Variants in CNTN5 observed in about 807,000 individuals in gnomAD.
CNTN5 encodes contactin-5.
A neutral mutation model predicts 129.1 loss-of-function variants in CNTN5; 77 were observed. The observed-to-expected ratio is 0.60, with a 90% CI of 0.50 to 0.72. The LOEUF is 0.72. Among genes scored for constraint, CNTN5 ranks in the 30% least tolerant of loss-of-function variants. The probability of loss-of-function intolerance (pLI) is 0.00; values close to 1 mark genes in which losing one functional copy is unlikely to be tolerated. For synonymous variants in CNTN5, 509 were observed against 465.6 expected (o/e 1.09, Z -1.20); for missense variants, 1,478 against 1,328.8 (o/e 1.11, Z -1.75).
At chr11:100,127,095 A>ATTTT (rs5794039) in intron 13 of CNTN5, among the ~76,000 whole-genome samples, 7 of 85,610 alleles carry the variant, frequency 8.2e-5, no homozygotes, top group African/African-American at 3.2e-4. Flanking sequence ...TGCGCAGCTA[A>ATTTT]TTTTTTTTTT....
intron 3 of CNTN5, among the ~76,000 whole-genome samples, chr11:99,772,268 G>A (rs1405710443): frequency 1.3e-5 from 2 of 151,880 alleles, no homozygotes. Flanking sequence ...ATATAGTGTA[G>A]TCAAACATCC....
chr11:99,160,354 A>C (rs1333173512), intron 1 of CNTN5, among the ~76,000 whole-genome samples: 1 of 152,228 alleles, frequency 6.6e-6, no homozygotes. Flanking sequence ...TAGCATATAC[A>C]TTGATGGCAA....
At chr11:99,304,784 C>A (rs1236300487) in intron 1 of CNTN5, among the ~76,000 whole-genome samples, 2 of 152,146 alleles carry the variant, frequency 1.3e-5, no homozygotes, top group African/African-American at 4.8e-5. Flanking sequence ...AACTTCACTC[C>A]TGAAGTATGG....
At chr11:100,157,222 A>AG (rs1430615875) in intron 13 of CNTN5, among the ~76,000 whole-genome samples, 1 of 151,918 alleles carries the variant, frequency 6.6e-6, no homozygotes, top group Non-Finnish European at 1.5e-5. Context: ...ACATTGAAAG[A>AG]GGGAAAAAAT....
At chr11:99,362,795 G>T (rs1463866140) in intron 2 of CNTN5, among the ~76,000 whole-genome samples, 1 of 151,828 alleles carries the variant, frequency 6.6e-6, no homozygotes, top group African/African-American at 2.4e-5. Flanking sequence ...TTCTCTGAAT[G>T]GTCTTGGCTA....
chr11:99,167,454 G>T (rs955580512), intron 1 of CNTN5, among the ~76,000 whole-genome samples: 3 of 152,042 alleles, frequency 2.0e-5, no homozygotes, highest in Non-Finnish European at 4.4e-5. Context: ...ACTAGCCTAT[G>T]ATTATTTTTA....
At chr11:99,681,188 A>G (rs1565421108) in intron 3 of CNTN5, among the ~76,000 whole-genome samples, 1 of 152,096 alleles carries the variant, frequency 6.6e-6, no homozygotes. Flanking sequence ...TGCTGTGAAC[A>G]TGGATGAAAC....
rs542876811 is a variant in CNTN5 at position 99,295,634 on chromosome 11, T to G, written c.-209-29712T>G. Among the ~76,000 whole-genome samples, 201 of 150,958 alleles carry G rather than the reference T, an allele frequency of 1.3e-3. 4 individuals carry two copies. The highest frequency in any genetic ancestry group is 6.9e-3 in the Middle Eastern group (2 of 288). ...GCTCACGCCTGTAATCCCAGCACTT[T>G]GGGAGGCCGAGGCGGGTGGATCATG... On this transcript the variant is annotated intron_variant, in intron 1 of 24. Transcript: ENST00000524871.
chr11:99,273,851 T>C (rs1863296808), intron 1 of CNTN5, among the ~76,000 whole-genome samples: 1 of 151,602 alleles, frequency 6.6e-6, no homozygotes, highest in African/African-American at 2.4e-5. Context: ...TATAAAAATA[T>C]TTTCTGTTTT....
intron 3 of CNTN5, among the ~76,000 whole-genome samples, chr11:99,602,901 G>T (rs1950361310): frequency 1.8e-5 from 2 of 111,936 alleles, no homozygotes; most frequent in South Asian, 3.4e-4. Flanking sequence ...TCTGTTAGAA[G>T]GAAAACTAAC....
chr11:100,246,763 G>C (rs1339216873), intron 16 of CNTN5, among the ~76,000 whole-genome samples: 1 of 152,084 alleles, frequency 6.6e-6, no homozygotes, highest in African/African-American at 2.4e-5. Flanking sequence ...CTTTTTCTCA[G>C]ATTTTGATTG....
At chr11:99,356,096 G>A (rs1002099784) in intron 2 of CNTN5, among the ~76,000 whole-genome samples, 2 of 151,876 alleles carry the variant, frequency 1.3e-5, no homozygotes, top group Non-Finnish European at 2.9e-5. Flanking sequence ...AAAGTGCTGG[G>A]ATTACAGGTG....
chr11:99,375,485 A>G (rs140209224), intron 2 of CNTN5, among the ~76,000 whole-genome samples: 150 of 152,224 alleles, frequency 9.9e-4, no homozygotes, highest in African/African-American at 3.4e-3. Context: ...AATGAAGCTT[A>G]ATGAGATGGA....
chr11:99,276,234 TCTTTA>T (rs1701056592), intron 1 of CNTN5, among the ~76,000 whole-genome samples: 1 of 151,774 alleles, frequency 6.6e-6, no homozygotes, highest in Non-Finnish European at 1.5e-5. Flanking sequence ...AGTTGAAATG[TCTTTA>T]CTTTAGAAAT....
intron 1 of CNTN5, among the ~76,000 whole-genome samples, chr11:99,177,371 C>A (rs1482301549): frequency 6.6e-6 from 1 of 152,074 alleles, no homozygotes; most frequent in East Asian, 1.9e-4. Context: ...ATGGTTGACA[C>A]CCAGTAAATA....
intron 1 of CNTN5, among the ~76,000 whole-genome samples, chr11:99,198,325 C>T (rs373384446): frequency 7.9e-5 from 12 of 152,172 alleles, no homozygotes; most frequent in East Asian, 7.7e-4. Context: ...TTGAGAACCA[C>T]GATGAAGTTG....
At chr11:99,722,807 A>T (rs2063536) in intron 3 of CNTN5, among the ~76,000 whole-genome samples, 1 of 151,552 alleles carries the variant, frequency 6.6e-6, no homozygotes, top group Non-Finnish European at 1.5e-5. Flanking sequence ...GATATAGCCC[A>T]TATGGGTTAT....
At chr11:99,556,756 C>T (rs1258938080) in intron 3 of CNTN5, among the ~76,000 whole-genome samples, 1 of 150,360 alleles carries the variant, frequency 6.7e-6, no homozygotes, top group African/African-American at 2.4e-5. Context: ...TTATATATAA[C>T]ACAGTATCTA....
intron 2 of CNTN5, among the ~76,000 whole-genome samples, chr11:99,356,141 A>G (rs190002494): frequency 1.2e-3 from 179 of 152,088 alleles, no homozygotes; most frequent in African/African-American, 4.0e-3. Flanking sequence ...CATGTTTTAT[A>G]TAATTCCAAT....
Sources: gnomAD v4.1 joint callset for allele counts (sites outside exome capture counted in the v4.1 genomes callset) on GRCh38, gnomAD v4.1.1 for gene constraint, MANE v1.5 for transcripts, NCBI Gene and HGNC (gene_info 2026-07-23, HGNC 2026-07-21) for gene names.